Variants in ZSWIM6 observed in about 807,000 individuals in gnomAD.
The protein encoded by ZSWIM6 is zinc finger SWIM-type containing 6.
A neutral mutation model predicts 113.2 loss-of-function variants in ZSWIM6; 9 were observed. The ratio of observed to expected loss-of-function variants is 0.08; its 90% CI spans 0.05 to 0.14. The LOEUF is 0.14. ZSWIM6 is among the 10% of genes least tolerant of loss of function. ZSWIM6 has a pLI of 1.00. For synonymous variants in ZSWIM6, 611 were observed against 606.5 expected, an observed-to-expected ratio of 1.01 and a Z score of -0.11; for missense variants, 1,162 against 1,552.2, an observed-to-expected ratio of 0.75 and a Z score of 4.22.
chr5:61,420,268 G>A (rs1485465881), intron 1 of ZSWIM6, among the ~76,000 whole-genome samples: 1 of 152,226 alleles, frequency 6.6e-6, no homozygotes, highest in East Asian at 1.9e-4. Context: ...TCTAATGACA[G>A]AATAGGATTA....
intron 1 of ZSWIM6, among the ~76,000 whole-genome samples, chr5:61,404,848 A>C (rs1262675097): frequency 6.6e-6 from 1 of 152,126 alleles, no homozygotes; most frequent in Admixed American, 6.5e-5. Flanking sequence ...TATTATACTT[A>C]AGGAAGTCTG....
intron 1 of ZSWIM6, among the ~76,000 whole-genome samples, chr5:61,371,386 A>C (rs1453154276): frequency 6.6e-6 from 1 of 152,206 alleles, no homozygotes; most frequent in Non-Finnish European, 1.5e-5. Context: ...TTTATAGTAA[A>C]ACTAGATGTT....
intron 1 of ZSWIM6, among the ~76,000 whole-genome samples, chr5:61,346,327 CAT>C (rs887484470): frequency 6.6e-5 from 10 of 152,168 alleles, no homozygotes; most frequent in Admixed American, 2.6e-4. Flanking sequence ...TATTAGGAAA[CAT>C]AGTGAATATC....
intron 2 of ZSWIM6, among the ~76,000 whole-genome samples, chr5:61,476,005 G>A (rs185257592): frequency 1.1e-4 from 17 of 152,152 alleles, no homozygotes; most frequent in African/African-American, 3.4e-4. Context: ...CTTTTACCTC[G>A]CATAGATAAA....
chr5:61,495,053 G>A (rs1748280800), intron 4 of ZSWIM6, among the ~76,000 whole-genome samples: 1 of 152,158 alleles, frequency 6.6e-6, no homozygotes, highest in South Asian at 2.1e-4. Context: ...AATAATGAAT[G>A]ATGTATTTAT....
At chr5:61,464,866 G>A (rs1747401495) in intron 1 of ZSWIM6, among the ~76,000 whole-genome samples, 1 of 152,242 alleles carries the variant, frequency 6.6e-6, no homozygotes, top group Admixed American at 6.5e-5. Flanking sequence ...GTCCTTGGGA[G>A]GCAAGATAAA....
chr5:61,385,686 C>T (rs1181268864), intron 1 of ZSWIM6, among the ~76,000 whole-genome samples: 1 of 152,230 alleles, frequency 6.6e-6, no homozygotes, highest in African/African-American at 2.4e-5. Flanking sequence ...TACTGTCTAA[C>T]ATAACCAGGC....
At chr5:61,398,159 C>G (rs1032859479) in intron 1 of ZSWIM6, among the ~76,000 whole-genome samples, 3 of 152,144 alleles carry the variant, frequency 2.0e-5, no homozygotes, top group African/African-American at 2.4e-5. Flanking sequence ...CCATGGAACC[C>G]TACAGGTCCC....
At chr5:61,342,899 A>T (rs924885121) in intron 1 of ZSWIM6, among the ~76,000 whole-genome samples, 4 of 150,656 alleles carry the variant, frequency 2.7e-5, no homozygotes, top group Non-Finnish European at 5.9e-5. Flanking sequence ...CTACTACATT[A>T]AAAAAAAATG....
intron 1 of ZSWIM6, among the ~76,000 whole-genome samples, chr5:61,392,682 A>G (rs989210310): frequency 3.9e-5 from 6 of 152,136 alleles, no homozygotes; most frequent in Admixed American, 3.3e-4. Context: ...GCGTGATCGC[A>G]GCTCACCGCA....
Position 61,526,395 on chromosome 5 carries a change from A to G in ZSWIM6, c.1836A>G (p.Lys612=). ...TGGAAATGTTCCGAACCCAAAAAAA[A>G]GGTGAATGTGAAGGAGTTTGTTTCC... ...KQLEMFRTQK[K]ELPHKNITSI... Residue 612 remains lysine (K), a splice_region_variant and synonymous_variant, in exon 7 of 14, where the codon AAA becomes AAG. Coordinates refer to ENST00000252744, the MANE Select transcript of ZSWIM6 (RefSeq NM_020928.2). 2 of 1,551,980 alleles carry G rather than the reference A, an allele frequency of 1.3e-6. No homozygotes were observed. Among genetic ancestry groups the G allele is most frequent in the Non-Finnish European group, 1.7e-6 (2 of 1,146,978 alleles).
intron 5 of ZSWIM6, among the ~76,000 whole-genome samples, chr5:61,524,596 C>T (rs2112266541): frequency 6.6e-6 from 1 of 152,294 alleles, no homozygotes; most frequent in Non-Finnish European, 1.5e-5. Context: ...TCAGTTCCAT[C>T]AGCAGAGTAA....
At chr5:61,516,007 G>A (rs1434625033) in intron 4 of ZSWIM6, among the ~76,000 whole-genome samples, 2 of 151,438 alleles carry the variant, frequency 1.3e-5, no homozygotes, top group Non-Finnish European at 2.9e-5. Context: ...GTTTTTTCAT[G>A]GTATATCTTT....
intron 1 of ZSWIM6, among the ~76,000 whole-genome samples, chr5:61,409,249 G>A (rs1359449023): frequency 6.6e-6 from 1 of 151,846 alleles, no homozygotes; most frequent in African/African-American, 2.4e-5. Flanking sequence ...TAAAAACTTT[G>A]GTGATTTTTA....
chr5:61,523,490 T>G (rs1042722854), intron 5 of ZSWIM6, among the ~76,000 whole-genome samples: 1 of 152,228 alleles, frequency 6.6e-6, no homozygotes, highest in Non-Finnish European at 1.5e-5. Flanking sequence ...AAATATCTCC[T>G]TTTTACTTAA....
At chr5:61,417,472 T>C (rs1270769949) in intron 1 of ZSWIM6, among the ~76,000 whole-genome samples, 2 of 152,156 alleles carry the variant, frequency 1.3e-5, no homozygotes. Context: ...ATGGGTACTG[T>C]TTTTAGGTAT....
intron 1 of ZSWIM6, among the ~76,000 whole-genome samples, chr5:61,416,532 A>C (rs1746259690): frequency 6.6e-6 from 1 of 152,174 alleles, no homozygotes; most frequent in Non-Finnish European, 1.5e-5. Flanking sequence ...CTCAGAAGTG[A>C]TGAGTGACCA....
At chr5:61,367,456 A>G (rs560282920) in intron 1 of ZSWIM6, among the ~76,000 whole-genome samples, 1 of 151,980 alleles carries the variant, frequency 6.6e-6, no homozygotes, top group Non-Finnish European at 1.5e-5. Flanking sequence ...GTATCACTCT[A>G]TTGGTCTTGA....
chr5:61,389,333 A>G lies in ZSWIM6; in HGVS notation c.676+56385A>G, dbSNP rs546907164. On this transcript the variant is annotated intron_variant, in intron 1 of 13. Coordinates refer to ENST00000252744, the MANE Select transcript of ZSWIM6 (RefSeq NM_020928.2). The stretch of plus-strand genomic sequence containing the variant: ...CACTTTGGGAGGCTGAGGCAGGCGG[A>G]TCACGAGGTCAGGAGTTCGAGACCA... Among the ~76,000 whole-genome samples, 63 of 152,110 alleles carry G rather than the reference A, an allele frequency of 4.1e-4. 1 individual carries two copies. In the South Asian group the frequency reaches 5.4e-3, roughly 13 times the overall value.
Sources: allele counts gnomAD v4.1 joint callset (sites outside exome capture counted in the v4.1 genomes callset), GRCh38; gene constraint gnomAD v4.1.1; transcripts MANE v1.5; gene names NCBI Gene and HGNC (gene_info 2026-07-23, HGNC 2026-07-21).